The following MARK3 variants were observed in gnomAD, a reference collection of about 807,000 sequenced individuals.
MARK3 encodes MAP/microtubule affinity-regulating kinase 3.
A neutral mutation model predicts 90.1 loss-of-function variants in MARK3; 46 were observed. The observed-to-expected ratio is 0.51, with a 90% CI of 0.40 to 0.65. The LOEUF (loss-of-function observed/expected upper bound fraction) is 0.65, where lower values mean the gene tolerates loss of function less well. MARK3 is among the 30% of genes least tolerant of loss of function. The pLI is 0.00. For synonymous variants in MARK3, 321 were observed against 332.6 expected (o/e 0.97, Z 0.38); for missense variants, 818 against 947.2 (o/e 0.86, Z 1.79).
chr14:103,486,518 A>G (rs2093932280), intron 14 of MARK3, among the ~76,000 whole-genome samples: 2 of 152,190 alleles, frequency 1.3e-5, no homozygotes, highest in Admixed American at 1.3e-4. Context: ...TTTAATTATT[A>G]AAAAAATGTA....
At chr14:103,470,515 G>A in intron 12 of MARK3, among the ~76,000 whole-genome samples, 1 of 117,498 alleles carries the variant, frequency 8.5e-6, no homozygotes, top group South Asian at 3.1e-4. Context: ...GAGTGCAATA[G>A]CGCGATCTCG....
intron 4 of MARK3, among the ~76,000 whole-genome samples, chr14:103,450,518 T>C (rs1863403739): frequency 1.3e-5 from 2 of 152,226 alleles, no homozygotes. Context: ...TTAACATAGT[T>C]TTCCCAGAAG....
At chr14:103,492,078 A>C in intron 15 of MARK3, 44 bp downstream of exon 15, 1 of 1,589,084 alleles carries the variant, frequency 6.3e-7, no homozygotes, top group Middle Eastern at 1.8e-4. Context: ...CACATAGAGC[A>C]AAAGGAAAGA....
intron 2 of MARK3, among the ~76,000 whole-genome samples, chr14:103,405,942 G>A (rs915452092): frequency 6.6e-6 from 1 of 151,848 alleles, no homozygotes; most frequent in Non-Finnish European, 1.5e-5. Context: ...CCGAGCTGGA[G>A]TGCAGTGGCT....
At chr14:103,403,326 TTGTGTGTGTGTGTGTGTGTGTGTGTG>T in intron 1 of MARK3, among the ~76,000 whole-genome samples, 1 of 138,542 alleles carries the variant, frequency 7.2e-6, no homozygotes, top group South Asian at 2.5e-4. Context: ...TAGTGCCTGG[TTGTGTGTGTGTGTGTGTGTGTGTGTG>T]TGTGTGTGTG....
chr14:103,465,922 A>C, intron 8 of MARK3, 50 bp from the exon 9 acceptor site: 1 of 1,588,304 alleles, frequency 6.3e-7, no homozygotes, highest in Non-Finnish European at 8.6e-7. Context: ...TTTGTTAACT[A>C]AACCTAAAGG....
At chr14:103,490,775 G>T in intron 14 of MARK3, 1 of 173,922 alleles carries the variant, frequency 5.7e-6, no homozygotes, top group Non-Finnish European at 1.1e-5. Context: ...AAAAAAAAAA[G>T]CAACTATAGG....
At chr14:103,405,499 C>T (rs533625676) in intron 2 of MARK3, among the ~76,000 whole-genome samples, 6 of 152,036 alleles carry the variant, frequency 3.9e-5, no homozygotes, top group Non-Finnish European at 5.9e-5. Flanking sequence ...TACAGGTGCC[C>T]GCCACCACAC....
At position 103,449,009 on chromosome 14, in the gene MARK3, A is replaced by G; in HGVS notation, c.346+42A>G. ...TAAATATTTTGGGGTCTAAATACGT[A>G]CTTGAAATTATGTCATAAAGCTAAA... On this transcript the variant is annotated intron_variant, in intron 4 of 17. Coordinates refer to ENST00000429436, the MANE Select transcript of MARK3 (RefSeq NM_001128918.3). 3 of 1,524,256 alleles carry G rather than the reference A, an allele frequency of 2.0e-6. No homozygotes were observed. In the East Asian group the frequency reaches 6.9e-5, roughly 35 times the overall value. The allele number at this position is 1,524,256 out of a possible 1,614,324, so 94.4% of individuals were successfully genotyped here.
Position 103,462,405 on chromosome 14 carries a change from A to G in MARK3, c.484A>G (p.Ile162Val), listed in dbSNP as rs765635317. The stretch of plus-strand genomic sequence containing the variant: ...CTGACTCTGCGTCTCTCCTATTCAG[A>G]TTGTGTCTGCAGTTCAATACTGCCA... ...EKEARSKFRQIVSAVQYCHQK... is the reference protein window; with the variant it reads ...EKEARSKFRQVVSAVQYCHQK... The change falls in exon 7 of 18, where the codon ATT becomes GTT. Residue 162 changes from isoleucine (I) to valine (V), a missense_variant and splice_region_variant. Physicochemically the swap from Ile to Val is conservative, Grantham distance 29. This residue lies in a region of MARK3 where 101 missense variants were observed against 175.1 expected (regional missense o/e 0.58). Transcript: ENST00000429436. The G allele has an allele frequency of 1.2e-6, 2 of 1,600,482 alleles. No individual in the cohort carries two copies. The highest frequency in any genetic ancestry group is 1.7e-5 in the Admixed American group (1 of 59,830).
chr14:103,390,299 C>G (rs762293287), intron 1 of MARK3, among the ~76,000 whole-genome samples: 4 of 152,116 alleles, frequency 2.6e-5, no homozygotes, highest in Non-Finnish European at 5.9e-5. Context: ...AAGAACTACT[C>G]AATCTGATCC....
intron 3 of MARK3, among the ~76,000 whole-genome samples, chr14:103,444,070 C>T (rs564825560): frequency 1.0e-4 from 14 of 134,442 alleles, no homozygotes; most frequent in African/African-American, 1.6e-4. Flanking sequence ...ACTTTCGTAT[C>T]GGTTGGTAAA....
intron 1 of MARK3, among the ~76,000 whole-genome samples, chr14:103,390,705 C>G (rs2090180583): frequency 6.6e-6 from 1 of 152,120 alleles, no homozygotes; most frequent in African/African-American, 2.4e-5. Flanking sequence ...GACAAGCTTG[C>G]TGTAGATTTT....
chr14:103,414,597 A>G (rs1035353928), intron 2 of MARK3, among the ~76,000 whole-genome samples: 5 of 152,232 alleles, frequency 3.3e-5, no homozygotes, highest in African/African-American at 9.6e-5. Context: ...TTGAAGAACT[A>G]AAACCTCTGA....
At chr14:103,462,507 G>A in intron 7 of MARK3, 46 bp downstream of exon 7, 2 of 1,446,144 alleles carry the variant, frequency 1.4e-6, no homozygotes, top group Non-Finnish European at 1.9e-6. Flanking sequence ...CTGTTTGTGT[G>A]CAGTTCTCTC....
intron 3 of MARK3, among the ~76,000 whole-genome samples, chr14:103,438,875 C>T (rs1024703466): frequency 1.3e-5 from 2 of 151,776 alleles, no homozygotes; most frequent in Admixed American, 1.3e-4. Context: ...GTAGTCCTAG[C>T]TACTTAGGGG....
chr14:103,406,970 A>C (rs2091336857), intron 2 of MARK3, among the ~76,000 whole-genome samples: 1 of 152,186 alleles, frequency 6.6e-6, no homozygotes, highest in South Asian at 2.1e-4. Flanking sequence ...AGTAGCTGGG[A>C]CTACAGGCAT....
At chr14:103,488,054 AAAAT>A (rs1249192779) in intron 14 of MARK3, among the ~76,000 whole-genome samples, 2 of 152,152 alleles carry the variant, frequency 1.3e-5, no homozygotes, top group African/African-American at 4.8e-5. Flanking sequence ...CAAAAAAAAA[AAAAT>A]AAATAACATT....
intron 2 of MARK3, among the ~76,000 whole-genome samples, 180 bp from the exon 3 acceptor site, chr14:103,428,207 C>T (rs117444405): frequency 0.01 from 1,595 of 152,038 alleles, 29 homozygotes; most frequent in Non-Finnish European, 0.014. Flanking sequence ...TTATAGAAGC[C>T]CTTATTTTCA....
Sources: allele counts gnomAD v4.1 joint callset (sites outside exome capture counted in the v4.1 genomes callset), GRCh38; gene constraint gnomAD v4.1.1; regional missense constraint gnomAD v4.1.1; transcripts MANE v1.5; gene names NCBI Gene and HGNC (gene_info 2026-07-23, HGNC 2026-07-21).